The following MAP3K5 variants were observed in gnomAD, a reference collection of about 807,000 sequenced individuals.
The protein encoded by MAP3K5 is ASK-1.
Under a neutral mutation model 158.7 loss-of-function variants are expected in MAP3K5, and 56 were observed. That is an observed-to-expected ratio of 0.35 (90% confidence interval 0.28 to 0.44). The LOEUF (loss-of-function observed/expected upper bound fraction) is 0.44. Among genes scored for constraint, MAP3K5 ranks in the 20% least tolerant of loss-of-function variants. The pLI, the probability that MAP3K5 is intolerant of heterozygous loss-of-function variation, is 1.00. For missense variants in MAP3K5, 1,294 were observed against 1,674.8 expected, an observed-to-expected ratio of 0.77 and a Z score of 3.97; for synonymous variants, 579 against 601.7, an observed-to-expected ratio of 0.96 and a Z score of 0.55.
chr6:136,752,682 G>A (rs994053304), intron 1 of MAP3K5, among the ~76,000 whole-genome samples: 1 of 152,206 alleles, frequency 6.6e-6, no homozygotes, highest in African/African-American at 2.4e-5. Flanking sequence ...AGAGTGCTGG[G>A]ATTATGGGTG....
At chr6:136,708,536 G>A (rs1405609534) in intron 2 of MAP3K5, among the ~76,000 whole-genome samples, 1 of 152,128 alleles carries the variant, frequency 6.6e-6, no homozygotes, top group African/African-American at 2.4e-5. Flanking sequence ...GATTACAGGT[G>A]TGAGCCACCG....
intron 25 of MAP3K5, among the ~76,000 whole-genome samples, chr6:136,569,713 T>C (rs959429244): frequency 6.6e-6 from 1 of 152,222 alleles, no homozygotes; most frequent in Admixed American, 6.5e-5. Flanking sequence ...TTTCAGGACC[T>C]CCGGAAGCTC....
rs374649646 is a variant in MAP3K5 at position 136,745,771 on chromosome 6, T to G, written c.449-25182A>C. ...ATGAAAAAGAGCTCACATCTGTATCTGCTACTTAACAATATTTTCAATAAA... is the reference window on the plus strand; with the variant it reads ...ATGAAAAAGAGCTCACATCTGTATCGGCTACTTAACAATATTTTCAATAAA... On this transcript the variant is annotated intron_variant, in intron 1 of 29. Transcript: ENST00000359015. Among the ~76,000 whole-genome samples the G allele has an allele frequency of 1.2e-4, 18 of 152,370 alleles. No homozygotes were observed. The East Asian group carries it at 1.9e-3, about 16-fold the overall frequency.
chr6:136,709,576 G>C (rs1417056296), intron 2 of MAP3K5, among the ~76,000 whole-genome samples: 2 of 152,122 alleles, frequency 1.3e-5, no homozygotes, highest in Non-Finnish European at 2.9e-5. Flanking sequence ...GCAGTGGTGA[G>C]TACTGAGTGA....
chr6:136,781,588 C>T (rs1295620641), intron 1 of MAP3K5, among the ~76,000 whole-genome samples: 1 of 152,108 alleles, frequency 6.6e-6, no homozygotes, highest in African/African-American at 2.4e-5. Flanking sequence ...TTAATCTGGC[C>T]GCTCTCATAG....
chr6:136,567,670 A>G lies in MAP3K5; in HGVS notation c.3722T>C (p.Leu1241Pro). Reference protein sequence around the residue: ...SHDSQSAHRSLNVQLGRMKIE... With the variant: ...SHDSQSAHRSPNVQLGRMKIE... ...TTTCATCCTTCCAAGCTGTACATTC[A>G]GTGACCGGTGAGCACTCTGGGAATC... The change falls in exon 26 of 30, where the codon CTG (leucine) becomes CCG (proline). Residue 1241 changes from leucine to proline, a missense_variant. Leu to Pro is a moderately conservative substitution (Grantham distance 98). Transcript: ENST00000359015. 6.2e-7 allele frequency: 1 copy of G among 1,614,208 alleles called. No individual in the cohort carries two copies. The highest frequency in any genetic ancestry group is 8.5e-7 in the Non-Finnish European group (1 of 1,180,032).
intron 12 of MAP3K5, among the ~76,000 whole-genome samples, chr6:136,640,886 C>A (rs1224533919): frequency 1.3e-5 from 2 of 152,282 alleles, no homozygotes; most frequent in East Asian, 3.9e-4. Context: ...TCTTTGAAGT[C>A]ACAGACTACA....
chr6:136,692,166 T>G (rs1305302873), intron 7 of MAP3K5, among the ~76,000 whole-genome samples: 1 of 152,054 alleles, frequency 6.6e-6, no homozygotes, highest in Admixed American at 6.6e-5. Context: ...CTCAGCCTCC[T>G]GAGTAGCTGG....
At chr6:136,568,477 C>T (rs1774218048) in intron 25 of MAP3K5, among the ~76,000 whole-genome samples, 1 of 152,192 alleles carries the variant, frequency 6.6e-6, no homozygotes. Context: ...GTGTTCTCCT[C>T]TAACCTGTTG....
At chr6:136,582,508 T>C (rs1275611965) in intron 24 of MAP3K5, among the ~76,000 whole-genome samples, 1 of 152,246 alleles carries the variant, frequency 6.6e-6, no homozygotes, top group Non-Finnish European at 1.5e-5. Context: ...ATATTAGTGA[T>C]AGGCTTTGCC....
chr6:136,779,393 T>A (rs920365606), intron 1 of MAP3K5, among the ~76,000 whole-genome samples: 1 of 146,100 alleles, frequency 6.8e-6, no homozygotes, highest in East Asian at 2.0e-4. Flanking sequence ...CAGTGAGCCA[T>A]GATCATGCCA....
intron 25 of MAP3K5, among the ~76,000 whole-genome samples, chr6:136,576,920 A>C (rs1774646713): frequency 6.6e-6 from 1 of 151,872 alleles, no homozygotes; most frequent in African/African-American, 2.4e-5. Context: ...ACACCATACA[A>C]ATTTGTAGCC....
At chr6:136,607,500 C>A (rs1422120562) in intron 18 of MAP3K5, among the ~76,000 whole-genome samples, 2 of 152,142 alleles carry the variant, frequency 1.3e-5, no homozygotes, top group Non-Finnish European at 2.9e-5. Context: ...TTAAACAAAG[C>A]AATTTACGAA....
At chr6:136,583,867 T>TA in intron 23 of MAP3K5, 127 bp from the exon 24 acceptor site, 1 of 791,810 alleles carries the variant, frequency 1.3e-6, no homozygotes, top group Non-Finnish European at 2.0e-6. Context: ...CTCACTATAT[T>TA]GCCCAGGCTG....
intron 1 of MAP3K5, among the ~76,000 whole-genome samples, chr6:136,755,689 CAAAAAAAAAA>C (rs772339028): frequency 2.9e-4 from 14 of 48,226 alleles, no homozygotes; most frequent in Non-Finnish European, 7.5e-4. Context: ...ACTCTGTCTC[CAAAAAAAAAA>C]AAAAAAAAAA....
chr6:136,632,861 A>G (rs1166248544), intron 14 of MAP3K5, among the ~76,000 whole-genome samples: 2 of 152,176 alleles, frequency 1.3e-5, no homozygotes, highest in African/African-American at 4.8e-5. Flanking sequence ...TCAATATAAA[A>G]GTATTATAAT....
chr6:136,624,241 G>A (rs1442237557), intron 14 of MAP3K5, among the ~76,000 whole-genome samples: 3 of 152,082 alleles, frequency 2.0e-5, no homozygotes, highest in East Asian at 3.8e-4. Context: ...CAAACTTAAC[G>A]TTAATACTGA....
At chr6:136,720,207 G>A (rs1345898363) in intron 2 of MAP3K5, among the ~76,000 whole-genome samples, 1 of 152,034 alleles carries the variant, frequency 6.6e-6, no homozygotes, top group Non-Finnish European at 1.5e-5. Context: ...TATTAACACA[G>A]TCTCCTCCGC....
intron 14 of MAP3K5, among the ~76,000 whole-genome samples, chr6:136,629,754 A>C (rs1777236497): frequency 6.9e-6 from 1 of 145,652 alleles, no homozygotes. Flanking sequence ...GCGCCCGGCC[A>C]TATCTCACCT....
Sources: gnomAD v4.1 joint callset for allele counts (sites outside exome capture counted in the v4.1 genomes callset) on GRCh38, gnomAD v4.1.1 for gene constraint, MANE v1.5 for transcripts, NCBI Gene and HGNC (gene_info 2026-07-23, HGNC 2026-07-21) for gene names.